Variants in CAMSAP2 observed in about 807,000 individuals in gnomAD.
CAMSAP2 encodes the protein calmodulin-regulated spectrin-associated protein 2.
CAMSAP2 carries 26 observed loss-of-function variants against 146.1 expected under a neutral mutation model. The ratio of observed to expected loss-of-function variants is 0.18; its 90% CI spans 0.13 to 0.25. CAMSAP2 has a LOEUF of 0.25. CAMSAP2 is among the 10% of genes least tolerant of loss of function. The pLI, the probability that CAMSAP2 is intolerant of heterozygous loss-of-function variation, is 1.00. For missense variants in CAMSAP2, 1,381 were observed against 1,759.3 expected (o/e 0.78, Z 3.85); for synonymous variants, 499 against 596.6 (o/e 0.84, Z 2.38).
chr1:200,806,346 A>G (rs1019097832), intron 2 of CAMSAP2, among the ~76,000 whole-genome samples: 2 of 152,234 alleles, frequency 1.3e-5, no homozygotes, highest in African/African-American at 4.8e-5. Flanking sequence ...GATAATCAGG[A>G]TTGTAAAGTC....
intron 2 of CAMSAP2, among the ~76,000 whole-genome samples, chr1:200,779,980 A>G (rs901921809): frequency 1.3e-5 from 2 of 152,190 alleles, no homozygotes; most frequent in African/African-American, 4.8e-5. Flanking sequence ...TGCAATAAAT[A>G]CTATGCATAG....
chr1:200,827,569 A>G (rs868604136), intron 4 of CAMSAP2, among the ~76,000 whole-genome samples: 2 of 152,194 alleles, frequency 1.3e-5, no homozygotes, highest in South Asian at 2.1e-4. Context: ...TCCTGGTGCT[A>G]TAAGAAAAAT....
intron 2 of CAMSAP2, among the ~76,000 whole-genome samples, chr1:200,796,122 C>G (rs1665877771): frequency 6.6e-6 from 1 of 152,188 alleles, no homozygotes; most frequent in Non-Finnish European, 1.5e-5. Context: ...CTGGGTATAG[C>G]AGAGTAGCAG....
At chr1:200,820,025 A>G (rs1666706897) in intron 4 of CAMSAP2, among the ~76,000 whole-genome samples, 1 of 152,144 alleles carries the variant, frequency 6.6e-6, no homozygotes, top group African/African-American at 2.4e-5. Context: ...TTCTAATACT[A>G]ACTATATAGA....
intron 4 of CAMSAP2, among the ~76,000 whole-genome samples, chr1:200,825,122 A>G (rs907101571): frequency 5.3e-5 from 8 of 152,172 alleles, no homozygotes; most frequent in African/African-American, 1.2e-4. Flanking sequence ...CACTGTGGTT[A>G]TATTATTCCT....
intron 4 of CAMSAP2, 125 bp downstream of exon 4, chr1:200,815,769 A>G: frequency 4.6e-6 from 2 of 436,558 alleles, no homozygotes. Flanking sequence ...ACTGTACCCT[A>G]GAAAGCCATA....
intron 1 of CAMSAP2, among the ~76,000 whole-genome samples, chr1:200,750,119 C>T (rs958856579): frequency 1.2e-4 from 18 of 152,002 alleles, no homozygotes; most frequent in African/African-American, 2.2e-4. Flanking sequence ...TGGTTTGGAG[C>T]GGGGAGCAGA....
chr1:200,746,867 C>G (rs1020834587), intron 1 of CAMSAP2, among the ~76,000 whole-genome samples: 1 of 152,070 alleles, frequency 6.6e-6, no homozygotes, highest in Non-Finnish European at 1.5e-5. Context: ...ATCTGCCCCC[C>G]TCGGCCTCCC....
rs200848625 is a variant in CAMSAP2 at position 200,739,931 on chromosome 1, A to G, written c.104A>G (p.Asn35Ser). Reference protein sequence around the residue: ...YDFSRAKIACNLAWLVAKAFG... With the variant: ...YDFSRAKIACSLAWLVAKAFG... ...TTCTCCAGGGCCAAAATCGCCTGCAATCTGGCCTGGCTGGTGGCCAAAGCC... is the reference window on the plus strand; with the variant it reads ...TTCTCCAGGGCCAAAATCGCCTGCAGTCTGGCCTGGCTGGTGGCCAAAGCC... The change falls in exon 1 of 17, where the codon AAT (asparagine) becomes AGT (serine). Residue 35 changes from asparagine (N) to serine (S), a missense_variant. This residue lies in a region of CAMSAP2 where 284 missense variants were observed against 406.9 expected (regional missense o/e 0.70). Coordinates refer to ENST00000358823, the MANE Select transcript of CAMSAP2 (RefSeq NM_203459.4). This position sits in a 1 kb window ranked among gnomAD's most constrained non-coding sequence, Gnocchi z 4.8. 133 of 1,614,160 alleles carry G rather than the reference A, an allele frequency of 8.2e-5. No homozygotes were observed. Among genetic ancestry groups the G allele is most frequent in the Middle Eastern group, 1.6e-4 (1 of 6,062 alleles).
At chr1:200,828,632 G>C in intron 4 of CAMSAP2, 1 of 1,545,762 alleles carries the variant, frequency 6.5e-7, no homozygotes, top group Non-Finnish European at 8.7e-7. Context: ...ACTTCAGTTT[G>C]CTCTCCAGAA....
At chr1:200,784,112 C>T (rs1665519791) in intron 2 of CAMSAP2, among the ~76,000 whole-genome samples, 1 of 151,968 alleles carries the variant, frequency 6.6e-6, no homozygotes, top group African/African-American at 2.4e-5. Context: ...TGACTGACGT[C>T]GACACCTGTG....
chr1:200,782,465 GC>G (rs1275449248), intron 2 of CAMSAP2, among the ~76,000 whole-genome samples: 1 of 152,086 alleles, frequency 6.6e-6, no homozygotes, highest in African/African-American at 2.4e-5. Flanking sequence ...TCAGCCCGCA[GC>G]CCCACCCCAC....
chr1:200,793,508 T>C (rs1665809226), intron 2 of CAMSAP2, among the ~76,000 whole-genome samples: 1 of 152,182 alleles, frequency 6.6e-6, no homozygotes, highest in South Asian at 2.1e-4. Context: ...CTTTAGATCA[T>C]AAAATTTCTT....
In CAMSAP2 at chr1:200,807,458, C is replaced by T. The variant is rs1381347173; in HGVS notation, c.482C>T (p.Ala161Val). ...MVSIEKVIAC[A>V]QQYSAFFQAT... is the part of the protein sequence containing the mutation. ...AGTATAGAAAAAGTAATTGCGTGTG[C>T]TCAGCAGTATTCAGCTTTTTTTCAA... The change falls in exon 3 of 17, where the codon GCT (alanine) becomes GTT (valine). Residue 161 changes from alanine (A) to valine (V), a missense_variant. Transcript: ENST00000358823. The T allele has an allele frequency of 6.2e-7, 1 of 1,612,028 alleles. No individual in the cohort carries two copies. The highest frequency in any genetic ancestry group is 8.5e-7 in the Non-Finnish European group (1 of 1,178,816).
In CAMSAP2 at chr1:200,849,824, T is replaced by C. The variant is rs746733891; in HGVS notation, c.3055T>C (p.Phe1019Leu). 6.2e-7 allele frequency: 1 copy of C among 1,614,162 alleles called. No homozygotes were observed. Among genetic ancestry groups the C allele is most frequent in the East Asian group, 2.2e-5 (1 of 44,886 alleles). ...PSQVPIQTRS[F>L]VCFGDDGEPQ... Reference sequence around the variant, plus strand: ...TCAAGTTCCTATTCAAACTAGGTCATTTGTATGTTTTGGGGATGATGGAGA... The same window carrying C: ...TCAAGTTCCTATTCAAACTAGGTCACTTGTATGTTTTGGGGATGATGGAGA... The change falls in exon 11 of 17, where the codon TTT (phenylalanine) becomes CTT (leucine). Residue 1019 changes from phenylalanine (F) to leucine (L), a missense_variant. Transcript: ENST00000358823. This position sits in a 1 kb window ranked among gnomAD's most constrained non-coding sequence, Gnocchi z 6.3.
chr1:200,848,517 A>G lies in CAMSAP2; in HGVS notation c.1748A>G (p.Lys583Arg), dbSNP rs1296094389. Residue 583 changes from lysine (K) to arginine (R), a missense_variant, in exon 11 of 17, where the codon AAG becomes AGG. Coordinates refer to ENST00000358823, the MANE Select transcript of CAMSAP2 (RefSeq NM_203459.4). Reference sequence around the variant, plus strand: ...ATGAGTATCTTAAATTCAAATATCAAGTTAAATCAATCTAGTCCTGATAAT... The same window carrying G: ...ATGAGTATCTTAAATTCAAATATCAGGTTAAATCAATCTAGTCCTGATAAT... ...QEMSILNSNI[K>R]LNQSSPDNVT... 6.2e-7 allele frequency: 1 copy of G among 1,613,840 alleles called. No homozygotes were observed.
rs1286042110 is a variant in CAMSAP2, at chr1:200,849,206, G to A, written c.2437G>A (p.Val813Ile). The part of the protein sequence containing the change: ...EEAAGAEDEK[V>I]YTDRAKEKES... The stretch of plus-strand genomic sequence containing the variant: ...AGCGGCGGGTGCAGAAGATGAGAAA[G>A]TATATACTGATCGAGCAAAAGAAAA... The change falls in exon 11 of 17, where the codon GTA becomes ATA. Residue 813 changes from valine to isoleucine, a missense_variant. Transcript: ENST00000358823. This position sits in a 1 kb window ranked among gnomAD's most constrained non-coding sequence, Gnocchi z 6.3. 1 of 1,613,838 alleles carries A rather than the reference G, an allele frequency of 6.2e-7. No individual in the cohort carries two copies. The highest frequency in any genetic ancestry group is 2.2e-5 in the East Asian group (1 of 44,872).
chr1:200,803,921 C>T (rs1666101767), intron 2 of CAMSAP2, among the ~76,000 whole-genome samples: 1 of 96,970 alleles, frequency 1.0e-5, no homozygotes, highest in African/African-American at 3.8e-5. Context: ...GTATGATGTT[C>T]TGTTTTTCTT....
intron 4 of CAMSAP2, among the ~76,000 whole-genome samples, chr1:200,820,006 G>A (rs1666706430): frequency 6.6e-6 from 1 of 152,036 alleles, no homozygotes; most frequent in Non-Finnish European, 1.5e-5. Flanking sequence ...ATGAATTCAT[G>A]AGTTTGTATT....
Sources: gnomAD v4.1 joint callset for allele counts (sites outside exome capture counted in the v4.1 genomes callset) on GRCh38, gnomAD v4.1.1 for gene constraint, gnomAD v4.1.1 regional missense constraint, Gnocchi (gnomAD v3.1) non-coding constraint, MANE v1.5 for transcripts, NCBI Gene and HGNC (gene_info 2026-07-23, HGNC 2026-07-21) for gene names.